The following IDO2 variants were observed in gnomAD, a reference collection of about 807,000 sequenced individuals.
The protein encoded by IDO2 is indoleamine 2,3-dioxygenase 2.
IDO2 carries 46 observed loss-of-function variants against 45.1 expected under a neutral mutation model. The ratio of observed to expected loss-of-function variants is 1.02; its 90% CI spans 0.80 to 1.30. The LOEUF is 1.30. Among genes scored for constraint, IDO2 ranks in the 50% most tolerant of loss-of-function variants. IDO2 has a pLI of 0.00. For synonymous variants in IDO2, 218 were observed against 184.9 expected (o/e 1.18, Z -1.45); for missense variants, 544 against 491.8 (o/e 1.11, Z -1.00).
intron 3 of IDO2, among the ~76,000 whole-genome samples, chr8:39,974,043 A>C (rs570671980): frequency 6.6e-6 from 1 of 152,230 alleles, no homozygotes; most frequent in South Asian, 2.1e-4. Context: ...CCCAGCCAAA[A>C]TAATGTTTGT....
At chr8:40,014,929 G>T (rs1188798466) in intron 10 of IDO2, among the ~76,000 whole-genome samples, 1 of 152,058 alleles carries the variant, frequency 6.6e-6, no homozygotes, top group Non-Finnish European at 1.5e-5. Flanking sequence ...CAGGTGGATC[G>T]CTTGAGCCCA....
chr8:39,961,388 T>C (rs1164478003), intron 2 of IDO2, among the ~76,000 whole-genome samples: 1 of 146,620 alleles, frequency 6.8e-6, no homozygotes, highest in Non-Finnish European at 1.5e-5. Flanking sequence ...AGTGGTACGA[T>C]CTTGGCTCAC....
Position 39,996,073 on chromosome 8 carries a change from T to TAA in IDO2, c.667+6249_667+6250dup, listed in dbSNP as rs59691325. On this transcript the variant is annotated intron_variant, in intron 8 of 10. Transcript: ENST00000502986. ...TCTCAATAAACTTTATACCTAAGAG[T>TAA]AAAAAAAAAAAAAAAGAAAAGAAAA... Among the ~76,000 whole-genome samples, 604 of 141,624 alleles carry TAA rather than the reference T, an allele frequency of 4.3e-3. 2 individuals carry two copies. The highest frequency in any genetic ancestry group is 0.014 in the African/African-American group (540 of 38,844). 92.9% of individuals were successfully genotyped at this position (141,624 alleles called of 152,430 possible).
intron 1 of IDO2, among the ~76,000 whole-genome samples, chr8:39,946,171 T>A (rs575441979): frequency 6.6e-6 from 1 of 152,166 alleles, no homozygotes; most frequent in Non-Finnish European, 1.5e-5. Context: ...ACCACCCAGA[T>A]TGATAAAGTG....
At chr8:39,980,801 G>A (rs368357635) in intron 4 of IDO2, among the ~76,000 whole-genome samples, 26 of 152,256 alleles carry the variant, frequency 1.7e-4, no homozygotes, top group East Asian at 5.8e-4. Flanking sequence ...CCAGGCTAGA[G>A]TGCAGTGGCG....
At position 39,934,812 on chromosome 8, in the gene IDO2, G is replaced by GA. The variant is rs1485155894; in HGVS notation, c.-422dup. ...TGGCAGCCAGAGAACTGAGCCCAAT[G>GA]AATGCAAAGGCTGGTGCCTGGAAAT... On this transcript the variant is annotated 5_prime_UTR_variant, in exon 1 of 11. It adds an upstream start codon to the 5' untranslated region. Transcript: ENST00000502986. 9.0e-6 allele frequency: 3 copies of GA among 332,644 alleles called. No homozygotes were observed. The highest frequency in any genetic ancestry group is 1.7e-5 in the Non-Finnish European group (3 of 177,586). The allele number at this position is 332,644 out of a possible 1,614,324, so 20.6% of individuals were successfully genotyped here.
At chr8:39,981,124 C>A (rs1291080602) in intron 4 of IDO2, among the ~76,000 whole-genome samples, 3 of 150,284 alleles carry the variant, frequency 2.0e-5, no homozygotes, top group Non-Finnish European at 4.4e-5. Context: ...TGCAGTGGCA[C>A]GATCTTGGCT....
At chr8:39,954,540 A>G (rs1003767212) in intron 2 of IDO2, among the ~76,000 whole-genome samples, 4 of 149,836 alleles carry the variant, frequency 2.7e-5, no homozygotes, top group Non-Finnish European at 3.0e-5. Flanking sequence ...GGTGTCGTGG[A>G]GTTGGTTTCT....
At chr8:39,940,608 T>G (rs1807628174) in intron 1 of IDO2, among the ~76,000 whole-genome samples, 1 of 152,222 alleles carries the variant, frequency 6.6e-6, no homozygotes, top group African/African-American at 2.4e-5. Flanking sequence ...CTCTCTCTTC[T>G]AGCTATTTTA....
chr8:39,949,042 T>A, intron 1 of IDO2, 107 bp from the exon 2 acceptor site: 1 of 1,438,368 alleles, frequency 7.0e-7, no homozygotes, highest in Non-Finnish European at 9.2e-7. Flanking sequence ...AGGGAAAAGT[T>A]CTCTCCTGTG....
chr8:39,967,205 A>G (rs1808099152), intron 3 of IDO2, among the ~76,000 whole-genome samples: 1 of 152,194 alleles, frequency 6.6e-6, no homozygotes, highest in African/African-American at 2.4e-5. Context: ...AGGTGATCCA[A>G]ATTCCTTTTA....
At chr8:39,946,005 A>C (rs1173439102) in intron 1 of IDO2, among the ~76,000 whole-genome samples, 1 of 152,164 alleles carries the variant, frequency 6.6e-6, no homozygotes, top group Non-Finnish European at 1.5e-5. Context: ...TTGGAACTAG[A>C]CTGCCTTTAG....
At chr8:40,010,247 G>C (rs192245365) in intron 9 of IDO2, among the ~76,000 whole-genome samples, 59 of 152,234 alleles carry the variant, frequency 3.9e-4, no homozygotes, top group African/African-American at 1.4e-3. Context: ...AGGAAGTGAG[G>C]GAGTGAGCCG....
At position 39,979,194 on chromosome 8, in the gene IDO2, C is replaced by A. The variant is rs1465626795; in HGVS notation, c.315+8C>A. The A allele has an allele frequency of 2.5e-6, 4 of 1,572,468 alleles. No individual in the cohort carries two copies. The Admixed American group carries it at 7.5e-5, about 29-fold the overall frequency. On this transcript the variant is annotated splice_region_variant and intron_variant, in intron 4 of 10. Coordinates refer to ENST00000502986, the Ensembl canonical transcript of IDO2. The stretch of plus-strand genomic sequence containing the variant: ...GAGGCGCAGCCTGCAGAGGTGAGGG[C>A]CAGAGAGCAGCTTCTCCTGTTACCC...
rs919686481 is a variant in IDO2, at chr8:39,963,603, T to A, written c.100-5T>A. The A allele has an allele frequency of 1.9e-6, 3 of 1,578,224 alleles. No individual in the cohort carries two copies. In the African/African-American group the frequency reaches 4.1e-5, roughly 21 times the overall value. ...AATATTTACATGTTTCTATTTTAAATGCAGAAAGAACTTCCAGATCATTAT... is the reference window on the plus strand; with the variant it reads ...AATATTTACATGTTTCTATTTTAAAAGCAGAAAGAACTTCCAGATCATTAT... On this transcript the variant is annotated splice_polypyrimidine_tract_variant and splice_region_variant and intron_variant, in intron 2 of 10. Transcript: ENST00000502986.
intron 3 of IDO2, among the ~76,000 whole-genome samples, chr8:39,973,572 A>T (rs1252420475): frequency 6.6e-6 from 1 of 152,060 alleles, no homozygotes. Flanking sequence ...ATAATTTATA[A>T]AATATTATAA....
chr8:39,939,546 CAAAAAAAAAAAAAAA>C (rs55892879), intron 1 of IDO2, among the ~76,000 whole-genome samples: 4 of 71,268 alleles, frequency 5.6e-5, no homozygotes, highest in African/African-American at 1.7e-4. Context: ...GACTCTGTCT[CAAAAAAAAAAAAAAA>C]AAAAAAAAAA....
intron 1 of IDO2, among the ~76,000 whole-genome samples, chr8:39,937,107 G>A (rs1022913970): frequency 3.3e-5 from 5 of 152,112 alleles, no homozygotes; most frequent in East Asian, 1.9e-4. Flanking sequence ...CTTTTCTGCC[G>A]CTTTCAATGA....
intron 10 of IDO2, 74 bp downstream of exon 10, chr8:40,013,787 A>C (rs1281309970): frequency 9.8e-7 from 1 of 1,024,424 alleles, no homozygotes; most frequent in African/African-American, 1.6e-5. Flanking sequence ...TTTCCAATTG[A>C]TAAAACCAAA....
Sources: allele counts gnomAD v4.1 joint callset (sites outside exome capture counted in the v4.1 genomes callset), GRCh38; gene constraint gnomAD v4.1.1; transcripts MANE v1.5; gene names NCBI Gene and HGNC (gene_info 2026-07-23, HGNC 2026-07-21).